DDX53: variants seen among roughly 807,000 people sequenced by gnomAD.
The protein encoded by DDX53 is DEAD box protein 53.
For missense variants in DDX53, 481 were observed against 485.1 expected, an observed-to-expected ratio of 0.99 and a Z score of 0.08; for synonymous variants, 179 against 170.8, an observed-to-expected ratio of 1.05 and a Z score of -0.37.
chrX:23,001,467 C>T lies in DDX53; in HGVS notation c.1410C>T (p.Val470=), dbSNP rs755475287. The stretch of plus-strand genomic sequence containing the variant: ...AGAACATGTCACCCAACGACAAAGT[C>T]ATCATGTTTGTCAGCCAAAAACATA... The part of the protein sequence containing the change: ...FVENMSPNDK[V]IMFVSQKHIA... Residue 470 remains valine, a synonymous_variant, in exon 1 of 1, where the codon GTC becomes GTT. Transcript: ENST00000327968. The T allele has an allele frequency of 5.8e-6, 7 of 1,209,686 alleles. No individual in the cohort carries two copies. In the African/African-American group the frequency reaches 8.7e-5, roughly 15 times the overall value.
Position 23,000,941 on chromosome X carries a change from A to G in DDX53, c.884A>G (p.Asn295Ser). The G allele has an allele frequency of 8.3e-7, 1 of 1,208,845 alleles. No individual in the cohort carries two copies. Among genetic ancestry groups the G allele is most frequent in the Non-Finnish European group, 1.1e-6 (1 of 894,028 alleles). Residue 295 changes from asparagine (N) to serine (S), a missense_variant, in exon 1 of 1, where the codon AAT (asparagine) becomes AGT (serine). Transcript: ENST00000327968. The stretch of plus-strand genomic sequence containing the variant: ...CAACCAATATCTAGAGAGCAAAGGA[A>G]TGGGCCTGGGATGCTAGTCCTTACA... ...DSQPISREQR[N>S]GPGMLVLTPT...
chrX:23,001,890 G>A lies in DDX53; in HGVS notation c.1833G>A (p.Arg611=), dbSNP rs764984044. ...AEQYKLNQQK[R]HRETRSRKPG... The stretch of plus-strand genomic sequence containing the variant: ...AATACAAGTTAAATCAACAAAAGAG[G>A]CACAGAGAAACACGATCAAGAAAAC... The change falls in exon 1 of 1, where the codon AGG becomes AGA. Residue 611 remains arginine (R), a synonymous_variant. Transcript: ENST00000327968. 1.7e-6 allele frequency: 2 copies of A among 1,206,098 alleles called. No individual in the cohort carries two copies. Among genetic ancestry groups the A allele is most frequent in the East Asian group, 3.0e-5 (1 of 33,776 alleles).
In DDX53 at chrX:23,001,367, C is replaced by A; in HGVS notation, c.1310C>A (p.Ala437Asp). ...TATGTTGGTAATCTGAATCTAGTGG[C>A]TGTAAATACAGTGAAGCAAAATATA... is the stretch of plus-strand genomic sequence containing the variant. ...IVYVGNLNLV[A>D]VNTVKQNIIV... Residue 437 changes from alanine (A) to aspartate (D), a missense_variant, in exon 1 of 1, where the codon GCT becomes GAT. Physicochemically the swap from Ala to Asp is moderately radical, Grantham distance 126. Transcript: ENST00000327968. The A allele has an allele frequency of 8.3e-7, 1 of 1,210,068 alleles. No homozygotes were observed. The highest frequency in any genetic ancestry group is 1.7e-5 in the African/African-American group (1 of 57,707).
At position 23,001,728 on chromosome X, in the gene DDX53, C is replaced by T. The variant is rs757019063; in HGVS notation, c.1671C>T (p.Tyr557=). Residue 557 remains tyrosine (Y), a synonymous_variant, in exon 1 of 1, where the codon TAC becomes TAT. Transcript: ENST00000327968. ...NIDVYVHRVG[Y]IGRTGKTGTS... is the part of the protein sequence containing the mutation. ...ACGTATATGTACACAGAGTAGGGTA[C>T]ATTGGACGGACAGGAAAGACTGGCA... is the stretch of plus-strand genomic sequence containing the variant. 4 of 1,210,644 alleles carry T rather than the reference C, an allele frequency of 3.3e-6. No individual in the cohort carries two copies.
At position 23,000,420 on chromosome X, in the gene DDX53, A is replaced by G. The variant is rs1248217419; in HGVS notation, c.363A>G (p.Ser121=). The G allele has an allele frequency of 2.0e-5, 24 of 1,209,834 alleles. No individual in the cohort carries two copies. The highest frequency in any genetic ancestry group is 2.6e-5 in the Non-Finnish European group (23 of 895,216). The part of the protein sequence containing the change: ...TLIRKQESYN[S]ESSVDNAASQ... ...TTAGAAAACAAGAAAGCTACAACTC[A>G]GAATCCAGTGTGGATAATGCTGCAT... is the stretch of plus-strand genomic sequence containing the variant. Residue 121 remains serine, a synonymous_variant, in exon 1 of 1, where the codon TCA becomes TCG. Transcript: ENST00000327968.
In DDX53 at chrX:23,002,636, G is replaced by A. The variant is rs1449895999; in HGVS notation, c.*683G>A. 8.4e-6 allele frequency: 1 copy of A among 119,199 alleles called. No homozygotes were observed. The highest frequency in any genetic ancestry group is 1.9e-5 in the Non-Finnish European group (1 of 52,137). The allele number at this position is 119,199 out of a possible 1,213,427, so 9.8% of individuals were successfully genotyped here. On this transcript the variant is annotated 3_prime_UTR_variant, in exon 1 of 1. Transcript: ENST00000327968. ...TTTGTTAAAGAAACACGTGTCATGG[G>A]GGTTTATCAACTTTCAATATTGTGT...
chrX:22,999,972 A>G lies in DDX53; in HGVS notation c.-86A>G. On this transcript the variant is annotated 5_prime_UTR_variant, in exon 1 of 1. Transcript: ENST00000327968. ...AATTGCCACCGCCATCTTTTGGTGCAGAAGGTGACGGGAAACAGGCCGCAG... is the reference window on the plus strand; with the variant it reads ...AATTGCCACCGCCATCTTTTGGTGCGGAAGGTGACGGGAAACAGGCCGCAG... 1 of 823,313 alleles carries G rather than the reference A, an allele frequency of 1.2e-6. No individual in the cohort carries two copies. Among genetic ancestry groups the G allele is most frequent in the African/African-American group, 2.1e-5 (1 of 47,183 alleles). The allele number at this position is 823,313 out of a possible 1,213,427, so 67.9% of individuals were successfully genotyped here.
rs1569253439 is a variant in DDX53, at chrX:23,000,702, C to T, written c.645C>T (p.Leu215=). 1 of 1,211,466 alleles carries T rather than the reference C, an allele frequency of 8.3e-7. No homozygotes were observed. The highest frequency in any genetic ancestry group is 3.0e-5 in the East Asian group (1 of 33,842). The change falls in exon 1 of 1, where the codon CTC becomes CTT. Residue 215 remains leucine, a synonymous_variant. Transcript: ENST00000327968. The part of the protein sequence containing the change: ...CDDLKSGEKR[L]IPKPTCRFKD... ...ACTTGAAAAGTGGTGAAAAGCGTCTCATTCCAAAACCAACTTGCAGGTTTA... is the reference window on the plus strand; with the variant it reads ...ACTTGAAAAGTGGTGAAAAGCGTCTTATTCCAAAACCAACTTGCAGGTTTA...
In DDX53 at chrX:23,002,056, A is replaced by G; in HGVS notation, c.*103A>G. The G allele has an allele frequency of 1.5e-6, 1 of 656,495 alleles. No homozygotes were observed. The highest frequency in any genetic ancestry group is 4.4e-5 in the South Asian group (1 of 22,930). 54.1% of individuals were successfully genotyped at this position (656,495 alleles called of 1,213,427 possible). A position where few individuals can be genotyped will look rare whatever the true frequency, so the allele number is the denominator to read the frequency against. On this transcript the variant is annotated 3_prime_UTR_variant, in exon 1 of 1. Transcript: ENST00000327968. The stretch of plus-strand genomic sequence containing the variant: ...AAACATACTAGCCATTTGAAGACAT[A>G]ACTAATTCTTAAATAATACTGCTAA...
Position 23,001,299 on chromosome X carries a change from A to C in DDX53, c.1242A>C (p.Val414=). 3.3e-6 allele frequency: 4 copies of C among 1,211,995 alleles called. No individual in the cohort carries two copies. The highest frequency in any genetic ancestry group is 3.4e-6 in the Non-Finnish European group (3 of 895,495). ...CAAGTGCAACTTGGCCAGATACTGT[A>C]CGTCAACTAGCACTTTCTTATTTGA... ...VMTSATWPDT[V]RQLALSYLKD... is the part of the protein sequence containing the mutation. The change falls in exon 1 of 1, where the codon GTA becomes GTC. Residue 414 remains valine, a synonymous_variant. Coordinates refer to ENST00000327968, the MANE Select transcript of DDX53 (RefSeq NM_182699.4).
Position 23,000,090 on chromosome X carries a change from G to C in DDX53, c.33G>C (p.Ala11=), listed in dbSNP as rs763146890. 4 of 1,149,374 alleles carry C rather than the reference G, an allele frequency of 3.5e-6. No individual in the cohort carries two copies. Among genetic ancestry groups the C allele is most frequent in the Admixed American group, 2.8e-5 (1 of 36,064 alleles). The allele number at this position is 1,149,374 out of a possible 1,213,427, so 94.7% of individuals were successfully genotyped here. Residue 11 remains alanine (A), a synonymous_variant, in exon 1 of 1, where the codon GCG becomes GCC. Transcript: ENST00000327968. Reference sequence around the variant, plus strand: ...ACTGGGCCCCAGAGTGGAAGAGGGCGGAGGCTAATCCAAGAGACCTTGGGG... The same window carrying C: ...ACTGGGCCCCAGAGTGGAAGAGGGCCGAGGCTAATCCAAGAGACCTTGGGG... MSHWAPEWKR[A]EANPRDLGAS...
rs192125531 is a variant in DDX53 at position 23,002,205 on chromosome X, T to G, written c.*252T>G. 1.4e-3 allele frequency: 387 copies of G among 268,708 alleles called. 1 individual carries two copies. Among genetic ancestry groups the G allele is most frequent in the African/African-American group, 9.4e-3 (339 of 36,024 alleles). 22.1% of individuals were successfully genotyped at this position (268,708 alleles called of 1,213,427 possible). On this transcript the variant is annotated 3_prime_UTR_variant, in exon 1 of 1. Transcript: ENST00000327968. ...AAGTTTAATTTCTCTTAAAAATACT[T>G]TTATTTTAGGTTTGGGGGTATATGT...
chrX:23,002,183 T>C lies in DDX53; in HGVS notation c.*230T>C, dbSNP rs1364003150. ...AGTGAATGTTACGTGTTGGTTAAAG[T>C]TTAATTTCTCTTAAAAATACTTTTA... On this transcript the variant is annotated 3_prime_UTR_variant, in exon 1 of 1. Coordinates refer to ENST00000327968, the MANE Select transcript of DDX53 (RefSeq NM_182699.4). 3.4e-6 allele frequency: 1 copy of C among 297,395 alleles called. No individual in the cohort carries two copies. Among genetic ancestry groups the C allele is most frequent in the Non-Finnish European group, 6.1e-6 (1 of 165,197 alleles). The allele number at this position is 297,395 out of a possible 1,213,427, so 24.5% of individuals were successfully genotyped here.
Position 22,999,994 on chromosome X carries a change from G to T in DDX53, c.-64G>T. On this transcript the variant is annotated 5_prime_UTR_variant, in exon 1 of 1. Transcript: ENST00000327968. ...TGCAGAAGGTGACGGGAAACAGGCCGCAGACCTGAACTTCCAACCGTATGT... is the reference window on the plus strand; with the variant it reads ...TGCAGAAGGTGACGGGAAACAGGCCTCAGACCTGAACTTCCAACCGTATGT... The T allele has an allele frequency of 1.1e-6, 1 of 936,753 alleles. No individual in the cohort carries two copies. Among genetic ancestry groups the T allele is most frequent in the Non-Finnish European group, 1.4e-6 (1 of 728,084 alleles). The allele number at this position is 936,753 out of a possible 1,213,427, so 77.2% of individuals were successfully genotyped here. A position where few individuals can be genotyped will look rare whatever the true frequency, so the allele number is the denominator to read the frequency against.
chrX:23,000,856 C>G lies in DDX53; in HGVS notation c.799C>G (p.Gln267Glu), dbSNP rs1185406826. ...LQGIDLIVVA[Q>E]TGTGKTLSYL... ...AGGAATAGATCTTATAGTAGTTGCA[C>G]AAACCGGAACAGGGAAAACATTGTC... Residue 267 changes from glutamine (Q) to glutamate (E), a missense_variant, in exon 1 of 1, where the codon CAA (glutamine) becomes GAA (glutamate). Coordinates refer to ENST00000327968, the MANE Select transcript of DDX53 (RefSeq NM_182699.4). The G allele has an allele frequency of 1.7e-6, 2 of 1,211,164 alleles. No individual in the cohort carries two copies. Among genetic ancestry groups the G allele is most frequent in the South Asian group, 3.5e-5 (2 of 56,746 alleles).
rs746295041 is a variant in DDX53, at chrX:23,002,164, T to G, written c.*211T>G. The G allele has an allele frequency of 3.1e-6, 1 of 319,015 alleles. No individual in the cohort carries two copies. Among genetic ancestry groups the G allele is most frequent in the Non-Finnish European group, 5.6e-6 (1 of 179,045 alleles). 26.3% of individuals were successfully genotyped at this position (319,015 alleles called of 1,213,427 possible). A position where few individuals can be genotyped will look rare whatever the true frequency, so the allele number is the denominator to read the frequency against. On this transcript the variant is annotated 3_prime_UTR_variant, in exon 1 of 1. Coordinates refer to ENST00000327968, the MANE Select transcript of DDX53 (RefSeq NM_182699.4). ...AGAGACTGTGTGAAGAGAAAGTGAATGTTACGTGTTGGTTAAAGTTTAATT... is the reference window on the plus strand; with the variant it reads ...AGAGACTGTGTGAAGAGAAAGTGAAGGTTACGTGTTGGTTAAAGTTTAATT...
In DDX53 at chrX:23,003,200, A is replaced by C. The variant is rs1302640418; in HGVS notation, c.*1247A>C. 1.6e-5 allele frequency: 2 copies of C among 124,019 alleles called. No homozygotes were observed. Among genetic ancestry groups the C allele is most frequent in the Non-Finnish European group, 3.7e-5 (2 of 53,417 alleles). The allele number at this position is 124,019 out of a possible 1,213,427, so 10.2% of individuals were successfully genotyped here. A position where few individuals can be genotyped will look rare whatever the true frequency, so the allele number is the denominator to read the frequency against. ...AGCAGTTGGTGCCACAACAGTTCTT[A>C]AAGTTATTTCCACTATCATTCTCTA... On this transcript the variant is annotated 3_prime_UTR_variant, in exon 1 of 1. Coordinates refer to ENST00000327968, the MANE Select transcript of DDX53 (RefSeq NM_182699.4).
Position 23,000,048 on chromosome X carries a change from C to T in DDX53, c.-10C>T. The T allele has an allele frequency of 9.3e-7, 1 of 1,079,024 alleles. No individual in the cohort carries two copies. Among genetic ancestry groups the T allele is most frequent in the Admixed American group, 3.8e-5 (1 of 26,624 alleles). 88.9% of individuals were successfully genotyped at this position (1,079,024 alleles called of 1,213,427 possible). A position where few individuals can be genotyped will look rare whatever the true frequency, so the allele number is the denominator to read the frequency against. ...CGAGAAGCCGGTGCCGATACTCCCA[C>T]TATCCCACAATGTCCCACTGGGCCC... On this transcript the variant is annotated 5_prime_UTR_variant, in exon 1 of 1. Coordinates refer to ENST00000327968, the MANE Select transcript of DDX53 (RefSeq NM_182699.4).
Position 23,002,855 on chromosome X carries a change from A to G in DDX53, c.*902A>G, listed in dbSNP as rs1283034573. On this transcript the variant is annotated 3_prime_UTR_variant, in exon 1 of 1. Transcript: ENST00000327968. Reference sequence around the variant, plus strand: ...TACTGTACATATTATTTCGTCACCCAGGTATTAAGACCAGTGCCCAATAAT... The same window carrying G: ...TACTGTACATATTATTTCGTCACCCGGGTATTAAGACCAGTGCCCAATAAT... 3 of 125,281 alleles carry G rather than the reference A, an allele frequency of 2.4e-5. No homozygotes were observed. The allele number at this position is 125,281 out of a possible 1,213,427, so 10.3% of individuals were successfully genotyped here. A position where few individuals can be genotyped will look rare whatever the true frequency, so the allele number is the denominator to read the frequency against.
Sources: allele counts gnomAD v4.1 joint callset, GRCh38; gene constraint gnomAD v4.1.1; transcripts MANE v1.5; gene names NCBI Gene and HGNC (gene_info 2026-07-23, HGNC 2026-07-21).